Variants in GRIK4 observed in about 807,000 individuals in gnomAD.
GRIK4 encodes glutamate receptor ionotropic, kainate 4.
A neutral mutation model predicts 104.9 loss-of-function variants in GRIK4; 40 were observed. The ratio of observed to expected loss-of-function variants is 0.38; its 90% CI spans 0.30 to 0.50. GRIK4 has a LOEUF of 0.50. Among genes scored for constraint, GRIK4 ranks in the 20% least tolerant of loss-of-function variants. GRIK4 has a pLI of 0.93. For synonymous variants in GRIK4, 485 were observed against 524.9 expected (o/e 0.92, Z 1.04); for missense variants, 1,047 against 1,308.1 (o/e 0.80, Z 3.08).
intron 8 of GRIK4, among the ~76,000 whole-genome samples, chr11:120,839,264 A>G (rs1426479442): frequency 6.6e-6 from 1 of 152,200 alleles, no homozygotes; most frequent in Non-Finnish European, 1.5e-5. Flanking sequence ...GAATTCTGCT[A>G]CAGTGATGCA....
chr11:120,957,116 A>G (rs1241566584), intron 16 of GRIK4, among the ~76,000 whole-genome samples, 163 bp downstream of exon 16: 2 of 152,140 alleles, frequency 1.3e-5, no homozygotes, highest in Non-Finnish European at 2.9e-5. Context: ...GCTTGGGGCA[A>G]TGGATGGGGC....
At chr11:120,749,881 A>G (rs990917634) in intron 3 of GRIK4, among the ~76,000 whole-genome samples, 1 of 152,230 alleles carries the variant, frequency 6.6e-6, no homozygotes, top group African/African-American at 2.4e-5. Flanking sequence ...CAGATTAGAA[A>G]GATAAATCAA....
chr11:120,895,542 GC>G (rs533192903), intron 11 of GRIK4, among the ~76,000 whole-genome samples: 102 of 152,236 alleles, frequency 6.7e-4, no homozygotes, highest in African/African-American at 2.4e-3. Context: ...TAATGGAATG[GC>G]CCTAGAAGCC....
intron 1 of GRIK4, among the ~76,000 whole-genome samples, chr11:120,625,714 C>T (rs1187675504): frequency 6.6e-6 from 1 of 151,644 alleles, no homozygotes; most frequent in Non-Finnish European, 1.5e-5. Flanking sequence ...AAACAGAGTG[C>T]CAGGGTGTGG....
intron 3 of GRIK4, among the ~76,000 whole-genome samples, chr11:120,757,898 C>T (rs1028435065): frequency 1.3e-5 from 2 of 152,186 alleles, no homozygotes; most frequent in Non-Finnish European, 2.9e-5. Flanking sequence ...CTGGAGCAGT[C>T]CTTGGCTCTG....
chr11:120,873,412 T>G (rs950382284), intron 9 of GRIK4: 2 of 152,334 alleles, frequency 1.3e-5, no homozygotes, highest in Non-Finnish European at 2.9e-5. Context: ...AGGAAGACCT[T>G]TGTGGACCTA....
chr11:120,895,546 T>C (rs1327376740), intron 11 of GRIK4, among the ~76,000 whole-genome samples: 2 of 152,246 alleles, frequency 1.3e-5, no homozygotes, highest in Non-Finnish European at 2.9e-5. Context: ...GGAATGGCCC[T>C]AGAAGCCATT....
intron 11 of GRIK4, among the ~76,000 whole-genome samples, chr11:120,894,128 T>C (rs1228198795): frequency 1.3e-5 from 2 of 152,228 alleles, no homozygotes; most frequent in Non-Finnish European, 2.9e-5. Context: ...GTGAAGCCTT[T>C]CACAGAGCAC....
chr11:120,757,306 A>G (rs1353812029), intron 3 of GRIK4, among the ~76,000 whole-genome samples: 1 of 152,228 alleles, frequency 6.6e-6, no homozygotes, highest in Non-Finnish European at 1.5e-5. Context: ...GGTGTGGCCA[A>G]TGGGAGTAGC....
Position 120,867,104 on chromosome 11 carries a change from T to C in GRIK4, c.906+4984T>C, listed in dbSNP as rs114720417. On this transcript the variant is annotated intron_variant, in intron 9 of 20. Coordinates refer to ENST00000527524, the MANE Select transcript of GRIK4 (RefSeq NM_014619.5). ...TCTGTCTCCCAGTGCCAGAGAACCT[T>C]CCAGCTACTGTCTCTGTGGCCTCCG... Among the ~76,000 whole-genome samples, 350 of 152,020 alleles carry C rather than the reference T, an allele frequency of 2.3e-3. 2 individuals are homozygous for C. The highest frequency in any genetic ancestry group is 8.1e-3 in the African/African-American group (334 of 41,474).
chr11:120,883,712 T>C (rs541978941), intron 11 of GRIK4, among the ~76,000 whole-genome samples: 18 of 152,356 alleles, frequency 1.2e-4, no homozygotes, highest in African/African-American at 4.1e-4. Context: ...AAATTAGAGC[T>C]ACTTAAATTT....
intron 13 of GRIK4, among the ~76,000 whole-genome samples, chr11:120,906,282 C>T (rs1942865277): frequency 6.6e-6 from 1 of 152,208 alleles, no homozygotes; most frequent in African/African-American, 2.4e-5. Flanking sequence ...GTGATGAGGA[C>T]ACAATGCAGA....
chr11:120,858,391 A>G (rs1954173506), intron 8 of GRIK4: 1 of 152,198 alleles, frequency 6.6e-6, no homozygotes, highest in South Asian at 2.1e-4. Context: ...CTCTGAATAG[A>G]TGTAGAGTAG....
In GRIK4 at chr11:120,524,444, T is replaced by TC. The variant is rs1464996050; in HGVS notation, c.-159+12561dup. ...CAATTGTGTGATCTTAAAACACATT[T>TC]CCCCTGGTGGATGACAGGACTGGTT... On this transcript the variant is annotated intron_variant, in intron 1 of 20. Transcript: ENST00000527524. This position sits in a 1 kb window ranked among gnomAD's most constrained non-coding sequence, Gnocchi z 4.5. Among the ~76,000 whole-genome samples the TC allele has an allele frequency of 3.3e-5, 5 of 152,274 alleles. No homozygotes were observed. In the East Asian group the frequency reaches 9.7e-4, roughly 29 times the overall value.
chr11:120,835,630 G>A (rs1953556089), intron 7 of GRIK4, among the ~76,000 whole-genome samples: 1 of 152,128 alleles, frequency 6.6e-6, no homozygotes, highest in African/African-American at 2.4e-5. Context: ...CCTTGGTCTG[G>A]TTTCTCCTCC....
At chr11:120,820,269 T>C (rs1302314065) in intron 6 of GRIK4, among the ~76,000 whole-genome samples, 3 of 152,154 alleles carry the variant, frequency 2.0e-5, no homozygotes, top group Non-Finnish European at 1.5e-5. Flanking sequence ...TTTTTGCATC[T>C]GCAAACTCAA....
intron 3 of GRIK4, among the ~76,000 whole-genome samples, chr11:120,712,174 C>T (rs1003596619): frequency 6.6e-6 from 1 of 152,172 alleles, no homozygotes; most frequent in Non-Finnish European, 1.5e-5. Context: ...ACCTGGGGTG[C>T]AGGGGCACCC....
At chr11:120,770,015 G>A (rs1951910438) in intron 3 of GRIK4, among the ~76,000 whole-genome samples, 1 of 152,074 alleles carries the variant, frequency 6.6e-6, no homozygotes, top group African/African-American at 2.4e-5. Context: ...TCACTTCCAG[G>A]TAACACCCAA....
chr11:120,971,758 G>A (rs1357148039), intron 19 of GRIK4, among the ~76,000 whole-genome samples: 2 of 152,234 alleles, frequency 1.3e-5, no homozygotes, highest in African/African-American at 4.8e-5. Flanking sequence ...AAGGCTTTAA[G>A]GGCACATGGC....
Sources: gnomAD v4.1 joint callset for allele counts (sites outside exome capture counted in the v4.1 genomes callset) on GRCh38, gnomAD v4.1.1 for gene constraint, Gnocchi (gnomAD v3.1) non-coding constraint, MANE v1.5 for transcripts, NCBI Gene and HGNC (gene_info 2026-07-23, HGNC 2026-07-21) for gene names.